The following REM1 variants were observed in gnomAD, a reference collection of about 807,000 sequenced individuals.
REM1 encodes the protein GTP-binding protein REM 1.
In REM1, 20 loss-of-function variants were observed where a neutral mutation model predicts 27.0. The ratio of observed to expected loss-of-function variants is 0.74; its 90% CI spans 0.52 to 1.08. The LOEUF is 1.08. Ranked by LOEUF, REM1 falls within the 50% of genes least tolerant of loss-of-function variation. The pLI is 0.00. For synonymous variants in REM1, 159 were observed against 167.9 expected, an observed-to-expected ratio of 0.95 and a Z score of 0.41; for missense variants, 405 against 407.0, an observed-to-expected ratio of 1.00 and a Z score of 0.04.
intron 3 of REM1, among the ~76,000 whole-genome samples, chr20:31,481,793 T>G (rs1325700700): frequency 6.6e-6 from 1 of 152,190 alleles, no homozygotes; most frequent in Non-Finnish European, 1.5e-5. Context: ...ACTTTACAGT[T>G]GCTCCTTCAC....
At chr20:31,481,030 T>A (rs981207556) in intron 3 of REM1, among the ~76,000 whole-genome samples, 1 of 152,128 alleles carries the variant, frequency 6.6e-6, no homozygotes, top group African/African-American at 2.4e-5. Flanking sequence ...CCCAGCACTT[T>A]GGGAGGCCGA....
At position 31,476,512 on chromosome 20, in the gene REM1, C is replaced by T; in HGVS notation, c.67C>T (p.Leu23=). ...LHRRASTPLP[L]SPRGHQPGRL... Reference sequence around the variant, plus strand: ...CCGGCGAGCCAGCACCCCACTGCCCCTGTCCCCACGGGGCCACCAGCCTGG... The same window carrying T: ...CCGGCGAGCCAGCACCCCACTGCCCTTGTCCCCACGGGGCCACCAGCCTGG... The change falls in exon 2 of 5, where the codon CTG becomes TTG. Residue 23 remains leucine (L), a synonymous_variant. Transcript: ENST00000201979. The T allele has an allele frequency of 6.2e-7, 1 of 1,613,940 alleles. No homozygotes were observed. The highest frequency in any genetic ancestry group is 8.5e-7 in the Non-Finnish European group (1 of 1,179,918).
At position 31,484,788 on chromosome 20, in the gene REM1, C is replaced by T; in HGVS notation, c.*358C>T. On this transcript the variant is annotated 3_prime_UTR_variant, in exon 5 of 5. Transcript: ENST00000201979. ...GAATGCCCAGACCTCTCCATCTCGG[C>T]TCTTCCAGGCGTCTCCACCTACTGC... is the stretch of plus-strand genomic sequence containing the variant. The T allele has an allele frequency of 4.1e-6, 1 of 242,212 alleles. No individual in the cohort carries two copies. Among genetic ancestry groups the T allele is most frequent in the South Asian group, 1.2e-4 (1 of 8,548 alleles). 15.0% of individuals were successfully genotyped at this position (242,212 alleles called of 1,614,324 possible).
At position 31,484,641 on chromosome 20, in the gene REM1, T is replaced by TGGGC; in HGVS notation, c.*212_*215dup. The TGGGC allele has an allele frequency of 1.6e-6, 1 of 615,632 alleles. No homozygotes were observed. The highest frequency in any genetic ancestry group is 2.5e-6 in the Non-Finnish European group (1 of 392,362). The allele number at this position is 615,632 out of a possible 1,614,324, so 38.1% of individuals were successfully genotyped here. On this transcript the variant is annotated 3_prime_UTR_variant, in exon 5 of 5. Transcript: ENST00000201979. ...AGACGATGGGGCCGAAGCCCCAAGC[T>TGGGC]GGGCACAAAGTAGTTTTTTACGTGG...
At chr20:31,484,113 C>A in intron 4 of REM1, 46 bp from the exon 5 acceptor site, 2 of 1,513,034 alleles carry the variant, frequency 1.3e-6, no homozygotes, top group Non-Finnish European at 1.8e-6. Context: ...TTTTCTCCGC[C>A]TTCCGTTATG....
chr20:31,477,996 ATC>A, intron 3 of REM1, 86 bp downstream of exon 3: 1 of 838,926 alleles, frequency 1.2e-6, no homozygotes, highest in Non-Finnish European at 2.0e-6. Flanking sequence ...GACACTACAG[ATC>A]AGGTGTGAGC....
chr20:31,479,141 G>A (rs1175778786), intron 3 of REM1, among the ~76,000 whole-genome samples: 1 of 152,086 alleles, frequency 6.6e-6, no homozygotes, highest in Non-Finnish European at 1.5e-5. Context: ...GGCCGAGGCT[G>A]TATTCTTATG....
At chr20:31,477,757 G>A in intron 2 of REM1, 71 bp from the exon 3 acceptor site, 1 of 1,143,310 alleles carries the variant, frequency 8.7e-7, no homozygotes, top group Admixed American at 1.9e-5. Context: ...CCAGAAATGG[G>A]GGGCAGGGAA....
rs1249828645 is a variant in REM1 at position 31,484,205 on chromosome 20, A to G, written c.672A>G (p.Thr224=). The G allele has an allele frequency of 1.2e-6, 2 of 1,608,102 alleles. No homozygotes were observed. The highest frequency in any genetic ancestry group is 2.2e-5 in the South Asian group (2 of 90,160). ...AVVFDCKFIE[T]SATLQHNVAE... is the part of the protein sequence containing the mutation. ...TGTTCGACTGTAAATTCATCGAGAC[A>G]TCCGCCACGCTGCAGCACAATGTGG... The change falls in exon 5 of 5, where the codon ACA becomes ACG. Residue 224 remains threonine, a synonymous_variant. Transcript: ENST00000201979.
At chr20:31,477,605 C>T (rs983361271) in intron 2 of REM1, among the ~76,000 whole-genome samples, 1 of 152,184 alleles carries the variant, frequency 6.6e-6, no homozygotes, top group African/African-American at 2.4e-5. Context: ...ACCCCACCTT[C>T]ATTCAATCAA....
At position 31,476,345 on chromosome 20, in the gene REM1, A is replaced by T; in HGVS notation, c.-101A>T. 1 of 947,986 alleles carries T rather than the reference A, an allele frequency of 1.1e-6. No individual in the cohort carries two copies. Among genetic ancestry groups the T allele is most frequent in the Non-Finnish European group, 1.6e-6 (1 of 616,868 alleles). 58.7% of individuals were successfully genotyped at this position (947,986 alleles called of 1,614,324 possible). ...GGAAGAAGCCATACAGCAGCTCATC[A>T]GGACACTATAGAAAGAAGCAGCTCA... On this transcript the variant is annotated 5_prime_UTR_variant, in exon 2 of 5. Transcript: ENST00000201979.
rs1980858519 is a variant in REM1, at chr20:31,484,507, G to A, written c.*77G>A. Reference sequence around the variant, plus strand: ...CCAGGGACGCCACTGCGGGGCAAAGGCGCCGTTACCTGGAGTCTGCATCAT... The same window carrying A: ...CCAGGGACGCCACTGCGGGGCAAAGACGCCGTTACCTGGAGTCTGCATCAT... On this transcript the variant is annotated 3_prime_UTR_variant, in exon 5 of 5. Coordinates refer to ENST00000201979, the MANE Select transcript of REM1 (RefSeq NM_014012.6). 4.2e-6 allele frequency: 6 copies of A among 1,418,690 alleles called. No individual in the cohort carries two copies. The highest frequency in any genetic ancestry group is 5.5e-6 in the Non-Finnish European group (6 of 1,082,884). 87.9% of individuals were successfully genotyped at this position (1,418,690 alleles called of 1,614,324 possible). A position where few individuals can be genotyped will look rare whatever the true frequency, so the allele number is the denominator to read the frequency against.
rs2233827 is a variant in REM1 at position 31,475,835 on chromosome 20, C to T, written c.-219-392C>T. Among the ~76,000 whole-genome samples, 268 of 152,348 alleles carry T rather than the reference C, an allele frequency of 1.8e-3. 1 individual carries two copies. The highest frequency in any genetic ancestry group is 6.1e-3 in the African/African-American group (253 of 41,578). ...TTACAGTCGGGTTACCCCCATACCC[C>T]CCTCGCGCTTCTGGAGTGCCAACCC... On this transcript the variant is annotated intron_variant, in intron 1 of 4. Transcript: ENST00000201979. This position sits in a 1 kb window ranked among gnomAD's most constrained non-coding sequence, Gnocchi z 5.0.
At chr20:31,480,238 C>CAG (rs1980678939) in intron 3 of REM1, among the ~76,000 whole-genome samples, 19 of 75,984 alleles carry the variant, frequency 2.5e-4, no homozygotes, top group African/African-American at 1.7e-3. Flanking sequence ...TAGACAGATA[C>CAG]ATACATACAC....
intron 3 of REM1, among the ~76,000 whole-genome samples, chr20:31,481,759 T>G (rs1980742287): frequency 6.6e-6 from 1 of 152,240 alleles, no homozygotes; most frequent in African/African-American, 2.4e-5. Context: ...GCCCCTTGAC[T>G]GTCTCATCCC....
At chr20:31,484,084 AAC>A in intron 4 of REM1, 73 bp from the exon 5 acceptor site, 1 of 1,451,034 alleles carries the variant, frequency 6.9e-7, no homozygotes, top group East Asian at 2.5e-5. Context: ...ATCGAGACTA[AAC>A]ACATCTCTTC....
rs752912282 is a variant in REM1, at chr20:31,476,565, A to G, written c.120A>G (p.Gln40=). The change falls in exon 2 of 5, where the codon CAA becomes CAG. Residue 40 remains glutamine, a synonymous_variant. Coordinates refer to ENST00000201979, the MANE Select transcript of REM1 (RefSeq NM_014012.6). ...PGRLSTVPST[Q]SQHPRLGQSA... is the part of the protein sequence containing the mutation. ...GCCTGAGCACAGTGCCTTCCACTCAATCCCAGCATCCCCGGCTGGGCCAAT... is the reference window on the plus strand; with the variant it reads ...GCCTGAGCACAGTGCCTTCCACTCAGTCCCAGCATCCCCGGCTGGGCCAAT... 9.9e-6 allele frequency: 16 copies of G among 1,613,970 alleles called. No individual in the cohort carries two copies. Among genetic ancestry groups the G allele is most frequent in the Middle Eastern group, 1.6e-4 (1 of 6,084 alleles).
At position 31,476,396 on chromosome 20, in the gene REM1, C is replaced by G; in HGVS notation, c.-50C>G. On this transcript the variant is annotated 5_prime_UTR_variant, in exon 2 of 5. Coordinates refer to ENST00000201979, the MANE Select transcript of REM1 (RefSeq NM_014012.6). Reference sequence around the variant, plus strand: ...AAGCAATTGGCTGACAGCCAATTCCCCCTTCTTTCAGAAGGAAAGAAGGAA... The same window carrying G: ...AAGCAATTGGCTGACAGCCAATTCCGCCTTCTTTCAGAAGGAAAGAAGGAA... The G allele has an allele frequency of 7.0e-7, 1 of 1,420,148 alleles. No homozygotes were observed. The highest frequency in any genetic ancestry group is 2.3e-5 in the East Asian group (1 of 43,682). 88.0% of individuals were successfully genotyped at this position (1,420,148 alleles called of 1,614,324 possible).
intron 2 of REM1, among the ~76,000 whole-genome samples, chr20:31,477,283 A>G (rs1239387998): frequency 6.6e-6 from 1 of 152,054 alleles, no homozygotes; most frequent in Non-Finnish European, 1.5e-5. Context: ...AACTGCTGTG[A>G]GCTGAGAGTG....
Sources: gnomAD v4.1 joint callset for allele counts (sites outside exome capture counted in the v4.1 genomes callset) on GRCh38, gnomAD v4.1.1 for gene constraint, Gnocchi (gnomAD v3.1) non-coding constraint, MANE v1.5 for transcripts, NCBI Gene and HGNC (gene_info 2026-07-23, HGNC 2026-07-21) for gene names.